ZRANB3: variants seen among roughly 807,000 people sequenced by gnomAD.
ZRANB3 encodes zinc finger RANBP2-type containing 3.
Under a neutral mutation model 133.8 loss-of-function variants are expected in ZRANB3, and 125 were observed. That is an observed-to-expected ratio of 0.93 (90% confidence interval 0.81 to 1.08). ZRANB3 has a LOEUF of 1.08. Ranked by LOEUF, ZRANB3 falls within the 50% of genes least tolerant of loss-of-function variation. The pLI is 0.00. For missense variants in ZRANB3, 1,229 were observed against 1,275.5 expected, an observed-to-expected ratio of 0.96 and a Z score of 0.56; for synonymous variants, 387 against 432.7, an observed-to-expected ratio of 0.89 and a Z score of 1.31.
intron 2 of ZRANB3, among the ~76,000 whole-genome samples, chr2:135,466,446 G>C (rs957328516): frequency 2.2e-5 from 3 of 137,430 alleles, no homozygotes; most frequent in African/African-American, 8.0e-5. Context: ...ACTATTATAA[G>C]AGAAAAAATG....
At chr2:135,403,351 C>A (rs1007547243) in intron 2 of ZRANB3, among the ~76,000 whole-genome samples, 10 of 152,212 alleles carry the variant, frequency 6.6e-5, no homozygotes, top group African/African-American at 2.4e-4. Context: ...GAGCCTCGCT[C>A]ATTGCTAGCA....
chr2:135,299,195 T>C (rs991702213), intron 8 of ZRANB3, among the ~76,000 whole-genome samples: 1 of 152,132 alleles, frequency 6.6e-6, no homozygotes, highest in Non-Finnish European at 1.5e-5. Context: ...CTGTGGGGGC[T>C]TGGAGTGTGG....
intron 2 of ZRANB3, among the ~76,000 whole-genome samples, chr2:135,402,353 G>A (rs1574043419): frequency 2.0e-5 from 3 of 149,230 alleles, no homozygotes; most frequent in Admixed American, 1.3e-4. Context: ...GCAGTGCAGT[G>A]GCACGATCTT....
At chr2:135,404,848 A>G (rs1687930053) in intron 2 of ZRANB3, among the ~76,000 whole-genome samples, 2 of 152,030 alleles carry the variant, frequency 1.3e-5, no homozygotes, top group African/African-American at 4.8e-5. Context: ...TATCCAGCCA[A>G]ACTACGCTGC....
intron 3 of ZRANB3, among the ~76,000 whole-genome samples, chr2:135,382,189 G>A (rs1686739930): frequency 1.3e-5 from 2 of 152,206 alleles, no homozygotes; most frequent in South Asian, 4.1e-4. Flanking sequence ...AGAACTACGT[G>A]ACGAATGCAC....
chr2:135,472,783 T>A (rs1364948291), intron 2 of ZRANB3, among the ~76,000 whole-genome samples: 1 of 152,106 alleles, frequency 6.6e-6, no homozygotes, highest in Non-Finnish European at 1.5e-5. Context: ...CAAATTACAT[T>A]GAGAGTTGAA....
chr2:135,376,490 T>C (rs1455671260), intron 3 of ZRANB3, among the ~76,000 whole-genome samples: 2 of 152,150 alleles, frequency 1.3e-5, no homozygotes, highest in African/African-American at 4.8e-5. Context: ...ATCCATACAA[T>C]GCAATATAAA....
intron 6 of ZRANB3, among the ~76,000 whole-genome samples, chr2:135,319,308 T>A (rs150330428): frequency 1.1e-3 from 170 of 152,378 alleles, no homozygotes; most frequent in African/African-American, 4.0e-3. Flanking sequence ...TAACCACTTA[T>A]CACATCTATA....
intron 3 of ZRANB3, among the ~76,000 whole-genome samples, chr2:135,366,063 A>T (rs1346534149): frequency 1.3e-5 from 2 of 152,234 alleles, no homozygotes; most frequent in Non-Finnish European, 2.9e-5. Flanking sequence ...AAATTTTTGC[A>T]GGTTATTAGG....
chr2:135,315,293 A>C (rs986046289), intron 7 of ZRANB3, 66 bp downstream of exon 7: 129 of 1,300,058 alleles, frequency 9.9e-5, no homozygotes, highest in Non-Finnish European at 1.3e-4. Flanking sequence ...TGAAATACGT[A>C]TAATCTTTAA....
chr2:135,402,971 G>T (rs530254651), intron 2 of ZRANB3, among the ~76,000 whole-genome samples: 1 of 152,080 alleles, frequency 6.6e-6, no homozygotes, highest in African/African-American at 2.4e-5. Context: ...TGCCTGAGGG[G>T]GTGCAGCCAA....
intron 1 of ZRANB3, among the ~76,000 whole-genome samples, chr2:135,508,684 C>T (rs1248803014): frequency 1.3e-5 from 2 of 151,952 alleles, no homozygotes; most frequent in African/African-American, 4.8e-5. Context: ...ATGAATAGAA[C>T]ATGAATGTTT....
At chr2:135,318,212 T>TTTTG (rs997979584) in intron 6 of ZRANB3, among the ~76,000 whole-genome samples, 12 of 136,886 alleles carry the variant, frequency 8.8e-5, no homozygotes, top group Non-Finnish European at 1.8e-4. Flanking sequence ...ACACACTATT[T>TTTTG]TGTGTGTGTG....
intron 2 of ZRANB3, among the ~76,000 whole-genome samples, chr2:135,399,047 C>A (rs138248641): frequency 6.6e-6 from 1 of 152,124 alleles, no homozygotes; most frequent in African/African-American, 2.4e-5. Flanking sequence ...AAATGAACTA[C>A]GCCTAGGTTA....
At chr2:135,530,501 C>T (rs1694488487) in intron 1 of ZRANB3, 2 of 152,260 alleles carry the variant, frequency 1.3e-5, no homozygotes, top group Admixed American at 1.3e-4. Flanking sequence ...GACTTGCCAG[C>T]CACGCCACTT....
At chr2:135,445,637 G>T (rs1211589743) in intron 2 of ZRANB3, among the ~76,000 whole-genome samples, 1 of 151,928 alleles carries the variant, frequency 6.6e-6, no homozygotes, top group Non-Finnish European at 1.5e-5. Flanking sequence ...TAGCACTTTG[G>T]GAGGCTGAGG....
intron 3 of ZRANB3, among the ~76,000 whole-genome samples, chr2:135,356,622 T>A (rs1436785784): frequency 6.6e-6 from 1 of 152,230 alleles, no homozygotes; most frequent in African/African-American, 2.4e-5. Flanking sequence ...CTACTAGAAT[T>A]AACTCCAGAT....
At position 135,230,636 on chromosome 2, in the gene ZRANB3, C is replaced by T. The variant is rs1251766043; in HGVS notation, c.1831G>A (p.Ala611Thr). 6.2e-7 allele frequency: 1 copy of T among 1,613,674 alleles called. No homozygotes were observed. Among genetic ancestry groups the T allele is most frequent in the Non-Finnish European group, 8.5e-7 (1 of 1,179,814 alleles). The change falls in exon 13 of 21, where the codon GCC (alanine) becomes ACC (threonine). Residue 611 changes from alanine to threonine, a missense_variant. Coordinates refer to ENST00000264159, the MANE Select transcript of ZRANB3 (RefSeq NM_032143.4). The part of the protein sequence containing the change: ...RTPLVESVQE[A>T]KAQLTTPAFP... Reference sequence around the variant, plus strand: ...GCTGGGGTGGTTAACTGGGCCTTGGCCTCCTGTACACTTTCCACGAGTGGA... The same window carrying T: ...GCTGGGGTGGTTAACTGGGCCTTGGTCTCCTGTACACTTTCCACGAGTGGA...
chr2:135,392,575 C>T (rs1030215201), intron 2 of ZRANB3, among the ~76,000 whole-genome samples: 3 of 152,070 alleles, frequency 2.0e-5, no homozygotes, highest in African/African-American at 7.2e-5. Flanking sequence ...CATGGTGAAA[C>T]CCTGTCTGTA....
Sources: gnomAD v4.1 joint callset for allele counts (sites outside exome capture counted in the v4.1 genomes callset) on GRCh38, gnomAD v4.1.1 for gene constraint, MANE v1.5 for transcripts, NCBI Gene and HGNC (gene_info 2026-07-23, HGNC 2026-07-21) for gene names.